The following GRIN2B variants were observed in gnomAD, a reference collection of about 807,000 sequenced individuals.
GRIN2B encodes the protein glutamate receptor ionotropic, NMDA 2B.
Under a neutral mutation model 114.5 loss-of-function variants are expected in GRIN2B, and 5 were observed. That is an observed-to-expected ratio of 0.04 (90% CI 0.02 to 0.09). The LOEUF (loss-of-function observed/expected upper bound fraction) is 0.09, where lower values mean the gene tolerates loss of function less well. Ranked by LOEUF, GRIN2B falls within the 10% of genes least tolerant of loss-of-function variation. The pLI, the probability that GRIN2B is intolerant of heterozygous loss-of-function variation, is 1.00. For missense variants in GRIN2B, 1,108 were observed against 1,943.5 expected, an observed-to-expected ratio of 0.57 and a Z score of 8.08; for synonymous variants, 787 against 745.1, an observed-to-expected ratio of 1.06 and a Z score of -0.92.
intron 2 of GRIN2B, among the ~76,000 whole-genome samples, chr12:13,947,578 A>G (rs543096200): frequency 1.3e-5 from 2 of 152,302 alleles, no homozygotes; most frequent in East Asian, 3.9e-4. Context: ...TCCTATCCAC[A>G]TCCTGCAACA....
intron 3 of GRIN2B, among the ~76,000 whole-genome samples, chr12:13,761,407 A>G (rs1399707024): frequency 1.3e-5 from 2 of 152,228 alleles, no homozygotes; most frequent in Non-Finnish European, 2.9e-5. Context: ...TTGATATTCT[A>G]GGTCACAGAG....
intron 5 of GRIN2B, among the ~76,000 whole-genome samples, chr12:13,638,015 C>T (rs529662260): frequency 6.6e-6 from 1 of 152,166 alleles, no homozygotes; most frequent in Non-Finnish European, 1.5e-5. Context: ...AGATTTCTCA[C>T]TCAAGTGGAA....
At chr12:13,860,574 C>T (rs1865736321) in intron 3 of GRIN2B, among the ~76,000 whole-genome samples, 1 of 152,134 alleles carries the variant, frequency 6.6e-6, no homozygotes, top group African/African-American at 2.4e-5. Context: ...ATCTGCCTGC[C>T]TCCGCCTCCA....
intron 4 of GRIN2B, among the ~76,000 whole-genome samples, chr12:13,684,733 G>A (rs1950162037): frequency 6.6e-6 from 1 of 152,094 alleles, no homozygotes; most frequent in South Asian, 2.1e-4. Flanking sequence ...CAGAGATTAG[G>A]TGTTCAGTAT....
At chr12:13,872,486 C>T (rs2136755187) in intron 2 of GRIN2B, among the ~76,000 whole-genome samples, 1 of 149,804 alleles carries the variant, frequency 6.7e-6, no homozygotes, top group South Asian at 2.1e-4. Flanking sequence ...CTAACTAAAA[C>T]ACAGTATATT....
chr12:13,980,934 G>A (rs1223865116), intron 1 of GRIN2B, among the ~76,000 whole-genome samples: 4 of 152,004 alleles, frequency 2.6e-5, no homozygotes, highest in Non-Finnish European at 5.9e-5. Context: ...CGCCCCGCGC[G>A]CACTCACACT....
chr12:13,558,708 A>C lies in GRIN2B; in HGVS notation c.*4075T>G, dbSNP rs142540398. On this transcript the variant is annotated 3_prime_UTR_variant, in exon 14 of 14. Transcript: ENST00000609686. ...ATCATTTGGGATTTTCCCCTCAATC[A>C]CAACATGGCTGTGGCCAGTGCAGGG... 6.6e-6 allele frequency: 1 copy of C among 152,340 alleles called. No homozygotes were observed. Among genetic ancestry groups the C allele is most frequent in the Admixed American group, 6.5e-5 (1 of 15,312 alleles). 9.4% of individuals were successfully genotyped at this position (152,340 alleles called of 1,614,324 possible).
In GRIN2B at chr12:13,965,329, C is replaced by T. The variant is rs1276605649; in HGVS notation, c.-19+14599G>A. On this transcript the variant is annotated intron_variant, in intron 2 of 13. Coordinates refer to ENST00000609686, the MANE Select transcript of GRIN2B (RefSeq NM_000834.5). ...AATTTCTAGCCATCATCTCTTTTTT[C>T]AAAGAAGGTTATACACTGGCTCTCA... is the stretch of plus-strand genomic sequence containing the variant. Among the ~76,000 whole-genome samples, 8 of 152,010 alleles carry T rather than the reference C, an allele frequency of 5.3e-5. 1 individual carries two copies. The highest frequency in any genetic ancestry group is 1.9e-4 in the African/African-American group (8 of 41,492).
chr12:13,589,739 G>C (rs1037880445), intron 10 of GRIN2B, among the ~76,000 whole-genome samples: 1 of 152,136 alleles, frequency 6.6e-6, no homozygotes. Flanking sequence ...TAGCTAGTAT[G>C]CTTTAAGAAT....
At chr12:13,830,712 G>C (rs1383785965) in intron 3 of GRIN2B, among the ~76,000 whole-genome samples, 1 of 152,164 alleles carries the variant, frequency 6.6e-6, no homozygotes, top group Non-Finnish European at 1.5e-5. Context: ...CATACATACA[G>C]ATCAAAAGCC....
intron 10 of GRIN2B, among the ~76,000 whole-genome samples, chr12:13,606,521 G>A (rs898578735): frequency 4.6e-5 from 7 of 152,184 alleles, no homozygotes; most frequent in Non-Finnish European, 1.0e-4. Flanking sequence ...CCAAACACTG[G>A]CCATTAGGCC....
intron 5 of GRIN2B, among the ~76,000 whole-genome samples, chr12:13,620,304 C>T (rs994275178): frequency 6.6e-5 from 10 of 152,176 alleles, no homozygotes; most frequent in Admixed American, 2.0e-4. Context: ...CTCTTCCTTA[C>T]GGGCCTGCTC....
chr12:13,573,938 T>G (rs1320378986), intron 10 of GRIN2B, among the ~76,000 whole-genome samples: 1 of 152,224 alleles, frequency 6.6e-6, no homozygotes, highest in East Asian at 1.9e-4. Context: ...GAAAGCTCCC[T>G]CTCTGACTCA....
intron 10 of GRIN2B, among the ~76,000 whole-genome samples, chr12:13,592,562 A>C (rs1949022062): frequency 6.6e-6 from 1 of 152,218 alleles, no homozygotes; most frequent in Non-Finnish European, 1.5e-5. Flanking sequence ...AGCCCTAGCC[A>C]GTTGCACCCA....
chr12:13,772,692 C>T (rs145259506), intron 3 of GRIN2B, among the ~76,000 whole-genome samples: 2 of 152,078 alleles, frequency 1.3e-5, no homozygotes, highest in South Asian at 2.1e-4. Flanking sequence ...AGAGGTAAGG[C>T]GGAAGTAAAA....
chr12:13,626,962 G>A (rs1406374167), intron 5 of GRIN2B, among the ~76,000 whole-genome samples: 1 of 151,916 alleles, frequency 6.6e-6, no homozygotes, highest in African/African-American at 2.4e-5. Flanking sequence ...CCATAGCTGA[G>A]AGGTTGAAGG....
chr12:13,618,975 T>C (rs1949482103), intron 5 of GRIN2B, among the ~76,000 whole-genome samples: 1 of 101,056 alleles, frequency 9.9e-6, no homozygotes. Flanking sequence ...TTAAAATCTG[T>C]ACCCAAAAAG....
At position 13,753,644 on chromosome 12, in the gene GRIN2B, A is replaced by G; in HGVS notation, c.683T>C (p.Ile228Thr). Residue 228 changes from isoleucine (I) to threonine (T), a missense_variant, in exon 4 of 14, where the codon ATT (isoleucine) becomes ACT (threonine). Physicochemically the swap from Ile to Thr is moderately conservative, Grantham distance 89. Around this residue, in one of 19 missense-constraint regions of GRIN2B, gnomAD observed 199 missense variants for 439.6 expected, o/e 0.45. Transcript: ENST00000609686. This position sits in a 1 kb window ranked among gnomAD's most constrained non-coding sequence, Gnocchi z 6.2. ...TTCTTCCTTGGTACAGTAAAGAAGA[A>G]TGATGGGGCTTTGAAGTTTCTTGAG... is the stretch of plus-strand genomic sequence containing the variant. Reference protein sequence around the residue: ...NQLKKLQSPIILLYCTKEEAT... With the variant: ...NQLKKLQSPITLLYCTKEEAT... The G allele has an allele frequency of 6.2e-7, 1 of 1,614,222 alleles. No individual in the cohort carries two copies. Among genetic ancestry groups the G allele is most frequent in the Non-Finnish European group, 8.5e-7 (1 of 1,180,032 alleles).
In GRIN2B at chr12:13,616,435, T is replaced by A; in HGVS notation, c.1328+20A>T. On this transcript the variant is annotated intron_variant, in intron 6 of 13. Coordinates refer to ENST00000609686, the MANE Select transcript of GRIN2B (RefSeq NM_000834.5). ...GCTGACTCTCCCATGCCACCCAAAG[T>A]CATTGAGAGGATGCCATACTCAGTG... 1 of 1,593,530 alleles carries A rather than the reference T, an allele frequency of 6.3e-7. No homozygotes were observed. The highest frequency in any genetic ancestry group is 8.6e-7 in the Non-Finnish European group (1 of 1,162,390).
Sources: allele counts gnomAD v4.1 joint callset (sites outside exome capture counted in the v4.1 genomes callset), GRCh38; gene constraint gnomAD v4.1.1; regional missense constraint gnomAD v4.1.1; non-coding constraint Gnocchi (gnomAD v3.1); transcripts MANE v1.5; gene names NCBI Gene and HGNC (gene_info 2026-07-23, HGNC 2026-07-21).